HS3ST4: variants seen among roughly 807,000 people sequenced by gnomAD.
The protein encoded by HS3ST4 is heparan sulfate-glucosamine 3-sulfotransferase 4.
HS3ST4 carries 17 observed loss-of-function variants against 29.2 expected under a neutral mutation model. The observed-to-expected ratio is 0.58, with a 90% confidence interval of 0.40 to 0.87. The LOEUF (loss-of-function observed/expected upper bound fraction) is 0.87, where lower values mean the gene tolerates loss of function less well. Among genes scored for constraint, HS3ST4 ranks in the 40% least tolerant of loss-of-function variants. HS3ST4 has a pLI of 0.00. For synonymous variants in HS3ST4, 314 were observed against 285.7 expected (o/e 1.10, Z -1.00); for missense variants, 627 against 634.5 (o/e 0.99, Z 0.13).
intron 1 of HS3ST4, among the ~76,000 whole-genome samples, chr16:25,784,836 A>G (rs1596569850): frequency 6.6e-6 from 1 of 152,352 alleles, no homozygotes; most frequent in African/African-American, 2.4e-5. Flanking sequence ...ACAGATTTTC[A>G]ATGTAGATGA....
chr16:26,064,363 A>G (rs1377217917), intron 1 of HS3ST4, among the ~76,000 whole-genome samples: 1 of 152,178 alleles, frequency 6.6e-6, no homozygotes, highest in Non-Finnish European at 1.5e-5. Context: ...TAGAGGGTAG[A>G]AGGGAGGCTT....
chr16:25,995,015 A>T (rs1015871240), intron 1 of HS3ST4, among the ~76,000 whole-genome samples: 4 of 152,174 alleles, frequency 2.6e-5, no homozygotes, highest in Non-Finnish European at 5.9e-5. Context: ...ACTTATTTCC[A>T]TCAATGTCCC....
intron 1 of HS3ST4, among the ~76,000 whole-genome samples, chr16:25,778,787 A>C (rs2141614301): frequency 6.6e-6 from 1 of 152,204 alleles, no homozygotes; most frequent in South Asian, 2.1e-4. Context: ...AAGGAGATGA[A>C]GACGAAGGAG....
intron 1 of HS3ST4, among the ~76,000 whole-genome samples, chr16:26,040,541 G>A (rs1409026878): frequency 4.0e-5 from 6 of 151,888 alleles, no homozygotes; most frequent in Non-Finnish European, 5.9e-5. Context: ...CTGACCTCAG[G>A]TGATCCACCC....
intron 1 of HS3ST4, among the ~76,000 whole-genome samples, chr16:26,129,227 G>A (rs1376464099): frequency 6.6e-6 from 1 of 152,188 alleles, no homozygotes; most frequent in Non-Finnish European, 1.5e-5. Flanking sequence ...GTAACTCCCA[G>A]TGGCAAGTCA....
At chr16:25,789,432 TTCCTTCCTTCCTTCCTTCCTTCCTTCC>T (rs1966863758) in intron 1 of HS3ST4, among the ~76,000 whole-genome samples, 2 of 85,922 alleles carry the variant, frequency 2.3e-5, no homozygotes, top group Admixed American at 2.1e-4. Context: ...CCTTCCTTCC[TTCCTTCCTTCCTTCCTTCCTTCCTTCC>T]TTCCTTCCTT....
intron 1 of HS3ST4, among the ~76,000 whole-genome samples, chr16:25,708,798 C>T (rs968063643): frequency 3.3e-5 from 5 of 152,288 alleles, no homozygotes; most frequent in Admixed American, 6.5e-5. Flanking sequence ...AGTTTACCTT[C>T]AACTCTTGGC....
At chr16:26,107,747 A>G (rs1426007534) in intron 1 of HS3ST4, among the ~76,000 whole-genome samples, 1 of 152,196 alleles carries the variant, frequency 6.6e-6, no homozygotes, top group East Asian at 1.9e-4. Context: ...GCTGAGTAGT[A>G]TTACATGGTG....
intron 1 of HS3ST4, among the ~76,000 whole-genome samples, chr16:25,828,037 G>A (rs1403999358): frequency 1.3e-5 from 2 of 151,946 alleles, no homozygotes; most frequent in African/African-American, 2.4e-5. Flanking sequence ...TTCTGATAGA[G>A]GTAAATTGTG....
chr16:25,717,610 C>A (rs1966464545), intron 1 of HS3ST4, among the ~76,000 whole-genome samples: 1 of 150,868 alleles, frequency 6.6e-6, no homozygotes. Context: ...TGGGAAGGTG[C>A]ATCGCATGCT....
chr16:26,061,164 T>C (rs1328881798), intron 1 of HS3ST4, among the ~76,000 whole-genome samples: 1 of 152,226 alleles, frequency 6.6e-6, no homozygotes, highest in East Asian at 1.9e-4. Context: ...TTGTCAAAGT[T>C]CTTCTTATCT....
intron 1 of HS3ST4, among the ~76,000 whole-genome samples, chr16:25,892,906 G>T (rs865921854): frequency 1.1e-4 from 17 of 152,262 alleles, no homozygotes; most frequent in South Asian, 6.2e-4. Context: ...ATTTCCAGAG[G>T]GAGAAGATAG....
In HS3ST4 at chr16:25,722,958, C is replaced by T. The variant is rs147241842; in HGVS notation, c.734+29807C>T. On this transcript the variant is annotated intron_variant, in intron 1 of 1. Coordinates refer to ENST00000331351, the MANE Select transcript of HS3ST4 (RefSeq NM_006040.3). ...CAGTTCCACATGGCTGAGGAGGCCTCACAATCATGGTGGAAGGGGAAAGTC... is the reference window on the plus strand; with the variant it reads ...CAGTTCCACATGGCTGAGGAGGCCTTACAATCATGGTGGAAGGGGAAAGTC... Among the ~76,000 whole-genome samples, 1,338 of 152,248 alleles carry T rather than the reference C, an allele frequency of 8.8e-3. 29 individuals carry two copies. The highest frequency in any genetic ancestry group is 0.03 in the African/African-American group (1,259 of 41,534).
intron 1 of HS3ST4, among the ~76,000 whole-genome samples, chr16:25,867,411 C>G (rs1967707126): frequency 6.6e-6 from 1 of 152,138 alleles, no homozygotes; most frequent in Admixed American, 6.5e-5. Flanking sequence ...AGATTTGAAA[C>G]TCTCCCTAAG....
intron 1 of HS3ST4, among the ~76,000 whole-genome samples, chr16:26,053,712 G>A (rs769698024): frequency 5.3e-5 from 8 of 151,928 alleles, no homozygotes; most frequent in Non-Finnish European, 7.4e-5. Context: ...ATGTATATGC[G>A]ATTTACCAAT....
At chr16:25,935,170 A>C (rs1968506406) in intron 1 of HS3ST4, among the ~76,000 whole-genome samples, 1 of 152,178 alleles carries the variant, frequency 6.6e-6, no homozygotes, top group Non-Finnish European at 1.5e-5. Context: ...TGGAACTGAG[A>C]GTCAATTAAA....
rs148078297 is a variant in HS3ST4, at chr16:25,969,574, G to A, written c.735-166038G>A. Among the ~76,000 whole-genome samples, 991 of 152,314 alleles carry A rather than the reference G, an allele frequency of 6.5e-3. 7 individuals are homozygous for A. Among genetic ancestry groups the A allele is most frequent in the Non-Finnish European group, 0.011 (737 of 68,034 alleles). On this transcript the variant is annotated intron_variant, in intron 1 of 1. Transcript: ENST00000331351. ...CTTTACTCAATTCCAGCTGCTCTTT[G>A]TCTGAGATATGGCCTGGGACAACTC... is the stretch of plus-strand genomic sequence containing the variant.
At chr16:25,924,916 A>G (rs1018200066) in intron 1 of HS3ST4, among the ~76,000 whole-genome samples, 18 of 151,784 alleles carry the variant, frequency 1.2e-4, no homozygotes, top group Admixed American at 8.5e-4. Context: ...CCACTCTCTG[A>G]CTCCATTAGG....
chr16:26,113,595 T>C (rs1427766571), intron 1 of HS3ST4, among the ~76,000 whole-genome samples: 2 of 151,926 alleles, frequency 1.3e-5, no homozygotes, highest in Non-Finnish European at 2.9e-5. Context: ...CTCAGCCTTC[T>C]TGGTTTCATG....
Sources: gnomAD v4.1 joint callset for allele counts (sites outside exome capture counted in the v4.1 genomes callset) on GRCh38, gnomAD v4.1.1 for gene constraint, MANE v1.5 for transcripts, NCBI Gene and HGNC (gene_info 2026-07-23, HGNC 2026-07-21) for gene names.